CACNA1S: variants seen among roughly 807,000 people sequenced by gnomAD.
The protein encoded by CACNA1S is calcium voltage-gated channel subunit alpha1 S, also known as voltage-dependent L-type calcium channel subunit alpha-1S.
CACNA1S carries 126 observed loss-of-function variants against 207.4 expected under a neutral mutation model. That is an observed-to-expected ratio of 0.61 (90% confidence interval 0.53 to 0.70). The LOEUF (loss-of-function observed/expected upper bound fraction) is 0.70, where lower values mean the gene tolerates loss of function less well. CACNA1S is among the 30% of genes least tolerant of loss of function. The pLI, the probability that CACNA1S is intolerant of heterozygous loss-of-function variation, is 0.00. For missense variants in CACNA1S, 2,349 were observed against 2,422.8 expected, an observed-to-expected ratio of 0.97 and a Z score of 0.64; for synonymous variants, 960 against 932.7, an observed-to-expected ratio of 1.03 and a Z score of -0.53.
chr1:201,066,088 C>G lies in CACNA1S; in HGVS notation c.2745+141G>C. The G allele has an allele frequency of 2.1e-6, 2 of 953,630 alleles. No homozygotes were observed. Among genetic ancestry groups the G allele is most frequent in the South Asian group, 2.7e-5 (2 of 73,272 alleles). The allele number at this position is 953,630 out of a possible 1,614,324, so 59.1% of individuals were successfully genotyped here. A position where few individuals can be genotyped will look rare whatever the true frequency, so the allele number is the denominator to read the frequency against. The stretch of plus-strand genomic sequence containing the variant: ...AAGGCTGGTGGGGAAGCATAGCTAC[C>G]CCAGCCTCATCCTTACCCCTATCTG... On this transcript the variant is annotated intron_variant, in intron 21 of 43. Coordinates refer to ENST00000362061, the MANE Select transcript of CACNA1S (RefSeq NM_000069.3). The surrounding 1 kb of genome is among the most constrained non-coding windows in gnomAD (Gnocchi z 4.3).
intron 2 of CACNA1S, among the ~76,000 whole-genome samples, chr1:201,106,200 T>C (rs887186212): frequency 3.0e-5 from 4 of 134,224 alleles, no homozygotes; most frequent in African/African-American, 1.1e-4. Context: ...GGATTCCACC[T>C]GGCAGGTCTT....
chr1:201,089,621 A>G (rs550403284), intron 5 of CACNA1S, among the ~76,000 whole-genome samples, 158 bp from the exon 6 acceptor site: 1 of 152,366 alleles, frequency 6.6e-6, no homozygotes, highest in South Asian at 2.1e-4. Flanking sequence ...AGACGGTGAC[A>G]GTGAAGAGGA....
Position 201,040,769 on chromosome 1 carries a change from T to C in CACNA1S, c.5135-56A>G, listed in dbSNP as rs6427875. 1,409,656 of 1,423,770 alleles carry C rather than the reference T, an allele frequency of 0.99. 697,867 individuals are homozygous for C. The highest frequency in any genetic ancestry group is 1 in the East Asian group (43,573 of 43,574). The allele number at this position is 1,423,770 out of a possible 1,614,324, so 88.2% of individuals were successfully genotyped here. A position where few individuals can be genotyped will look rare whatever the true frequency, so the allele number is the denominator to read the frequency against. On this transcript the variant is annotated intron_variant, in intron 41 of 43. Transcript: ENST00000362061. Reference sequence around the variant, plus strand: ...GGCTGCTGACTCCTGCCAGGAGCCCTGAGTCAACAGAGGCTCGCTTGGCTG... The same window carrying C: ...GGCTGCTGACTCCTGCCAGGAGCCCCGAGTCAACAGAGGCTCGCTTGGCTG...
intron 8 of CACNA1S, 54 bp from the exon 9 acceptor site, chr1:201,085,085 C>A: frequency 7.9e-7 from 1 of 1,269,264 alleles, no homozygotes; most frequent in Admixed American, 1.7e-5. Flanking sequence ...CTGGGCTGGA[C>A]ACACCTGGAC....
intron 32 of CACNA1S, 133 bp downstream of exon 32, chr1:201,052,424 C>T (rs972282950): frequency 7.1e-6 from 5 of 708,784 alleles, no homozygotes; most frequent in African/African-American, 3.5e-5. Flanking sequence ...GGGGACCCTT[C>T]TGAGTATAGG....
intron 2 of CACNA1S, among the ~76,000 whole-genome samples, chr1:201,095,072 G>A (rs1160617266): frequency 1.3e-5 from 2 of 151,844 alleles, no homozygotes; most frequent in Non-Finnish European, 2.9e-5. Flanking sequence ...AGGGGGTGCT[G>A]ACCCAGCCTG....
At position 201,066,915 on chromosome 1, in the gene CACNA1S, C is replaced by A. The variant is rs1661265472; in HGVS notation, c.2629G>T (p.Ala877Ser). ...AGTCCCATGGAGATGAGGGACACGGCCACCACCAGCAGGTCCAGCATGTTG... is the reference window on the plus strand; with the variant it reads ...AGTCCCATGGAGATGAGGGACACGGACACCACCAGCAGGTCCAGCATGTTG... The part of the protein sequence containing the change: ...YFNMLDLLVV[A>S]VSLISMGLES... The change falls in exon 20 of 44, where the codon GCC becomes TCC. Residue 877 changes from alanine to serine, a missense_variant. Transcript: ENST00000362061. This position sits in a 1 kb window ranked among gnomAD's most constrained non-coding sequence, Gnocchi z 4.3. 6.2e-7 allele frequency: 1 copy of A among 1,613,964 alleles called. No homozygotes were observed. The highest frequency in any genetic ancestry group is 1.7e-5 in the Admixed American group (1 of 60,004).
At chr1:201,107,843 G>C (rs961371594) in intron 2 of CACNA1S, among the ~76,000 whole-genome samples, 10 of 152,170 alleles carry the variant, frequency 6.6e-5, no homozygotes, top group Non-Finnish European at 4.4e-5. Flanking sequence ...CAATTAAGGG[G>C]TCAGGTTAGG....
At chr1:201,070,191 A>T in intron 17 of CACNA1S, 81 bp downstream of exon 17, 1 of 1,454,674 alleles carries the variant, frequency 6.9e-7, no homozygotes, top group Non-Finnish European at 9.6e-7. Context: ...AGGCATGGAG[A>T]GTCAGACAGG....
In CACNA1S at chr1:201,060,747, A is replaced by G; in HGVS notation, c.3325T>C (p.Tyr1109His). ...RCYIPKNPYQ[Y>H]QVWYIVTSSY... ...GAGGTGACAATGTACCACACCTGGT[A>G]CTGGTATGGGTTTTTGGGAATGTAG... Residue 1109 changes from tyrosine to histidine, a missense_variant, in exon 26 of 44, where the codon TAC becomes CAC. Tyr to His is a moderately conservative substitution (Grantham distance 83, BLOSUM62 2). Coordinates refer to ENST00000362061, the MANE Select transcript of CACNA1S (RefSeq NM_000069.3). 6.2e-7 allele frequency: 1 copy of G among 1,614,146 alleles called. No individual in the cohort carries two copies. The highest frequency in any genetic ancestry group is 8.5e-7 in the Non-Finnish European group (1 of 1,179,998).
chr1:201,045,221 C>T (rs1481673871), intron 38 of CACNA1S, among the ~76,000 whole-genome samples: 4 of 152,104 alleles, frequency 2.6e-5, no homozygotes, highest in Non-Finnish European at 5.9e-5. Context: ...AGATGCATAT[C>T]CTAGTAATCA....
At position 201,040,224 on chromosome 1, in the gene CACNA1S, G is replaced by A. The variant is rs571061537; in HGVS notation, c.5370+7C>T. On this transcript the variant is annotated splice_region_variant and intron_variant, in intron 43 of 43. Coordinates refer to ENST00000362061, the MANE Select transcript of CACNA1S (RefSeq NM_000069.3). ...CAGCCACTGCTGTGACCCAGCCCCT[G>A]GCTCACCTTTTGGATCAGCAGGGCT... is the stretch of plus-strand genomic sequence containing the variant. The A allele has an allele frequency of 2.5e-5, 41 of 1,613,240 alleles. No homozygotes were observed. The East Asian group carries it at 7.8e-4, about 31-fold the overall frequency.
At chr1:201,085,313 G>T in intron 8 of CACNA1S, 123 bp downstream of exon 8, 1 of 1,362,484 alleles carries the variant, frequency 7.3e-7, no homozygotes, top group Non-Finnish European at 1.0e-6. Context: ...TTTGCTTTAG[G>T]CAAGTCACTC....
intron 16 of CACNA1S, among the ~76,000 whole-genome samples, 171 bp from the exon 17 acceptor site, chr1:201,070,575 T>C (rs907541152): frequency 1.3e-5 from 2 of 152,094 alleles, no homozygotes; most frequent in African/African-American, 4.8e-5. Flanking sequence ...CTCCTTCTCT[T>C]CACAGTGAGC....
chr1:201,078,933 C>T (rs931211138), intron 10 of CACNA1S, among the ~76,000 whole-genome samples: 1 of 151,968 alleles, frequency 6.6e-6, no homozygotes. Flanking sequence ...CCAGCCTGAC[C>T]AACATGGTAA....
chr1:201,110,328 G>GA (rs2102190856), intron 1 of CACNA1S, 59 bp from the exon 2 acceptor site: 1 of 1,442,456 alleles, frequency 6.9e-7, no homozygotes, highest in East Asian at 2.3e-5. Flanking sequence ...GGGTTAAGGG[G>GA]ATGAGGGCGC....
chr1:201,087,008 A>G (rs1484593817), intron 7 of CACNA1S, among the ~76,000 whole-genome samples: 2 of 152,206 alleles, frequency 1.3e-5, no homozygotes, highest in African/African-American at 4.8e-5. Flanking sequence ...CTATCTATAG[A>G]CTGCCTGGAA....
At position 201,043,560 on chromosome 1, in the gene CACNA1S, G is replaced by T. The variant is rs201599043; in HGVS notation, c.4798-29C>A. 360 of 1,613,118 alleles carry T rather than the reference G, an allele frequency of 2.2e-4. 2 individuals carry two copies. In the East Asian group the frequency reaches 7.9e-3, roughly 35 times the overall value. Reference sequence around the variant, plus strand: ...GGGGCAAGGAGAAGAGCAGTGACTGGGGGTGAGGGCAGGGAGGGCATGGGG... The same window carrying T: ...GGGGCAAGGAGAAGAGCAGTGACTGTGGGTGAGGGCAGGGAGGGCATGGGG... On this transcript the variant is annotated intron_variant, in intron 39 of 43. Coordinates refer to ENST00000362061, the MANE Select transcript of CACNA1S (RefSeq NM_000069.3).
chr1:201,074,715 CCA>C (rs199983853), intron 13 of CACNA1S, 95 bp from the exon 14 acceptor site: 1 of 720,796 alleles, frequency 1.4e-6, no homozygotes, highest in South Asian at 1.5e-5. Flanking sequence ...GGACCTAACC[CCA>C]CTCTCCCAGA....
Sources: allele counts gnomAD v4.1 joint callset (sites outside exome capture counted in the v4.1 genomes callset), GRCh38; gene constraint gnomAD v4.1.1; non-coding constraint Gnocchi (gnomAD v3.1); transcripts MANE v1.5; gene names NCBI Gene and HGNC (gene_info 2026-07-23, HGNC 2026-07-21).